Variants in CLVS1 observed in about 807,000 individuals in gnomAD.
CLVS1 encodes clavesin-1.
In CLVS1, 10 loss-of-function variants were observed where a neutral mutation model predicts 33.1. That is an observed-to-expected ratio of 0.30 (90% CI 0.19 to 0.51). CLVS1 has a LOEUF of 0.51. Among genes scored for constraint, CLVS1 ranks in the 20% least tolerant of loss-of-function variants. CLVS1 has a pLI of 0.97. For missense variants in CLVS1, 343 were observed against 433.4 expected (o/e 0.79, Z 1.85); for synonymous variants, 163 against 166.1 (o/e 0.98, Z 0.14).
the CLVS1 span, among the ~76,000 whole-genome samples, chr8:61,046,819 T>C: frequency 6.6e-6 from 1 of 151,108 alleles, no homozygotes; most frequent in South Asian, 2.1e-4. Context: ...AGAATGCTTG[T>C]GATTTTTGTA....
At chr8:61,433,249 A>T (rs1237653917) in intron 3 of CLVS1, among the ~76,000 whole-genome samples, 6 of 152,240 alleles carry the variant, frequency 3.9e-5, no homozygotes, top group African/African-American at 1.4e-4. Flanking sequence ...CCATTGGGCC[A>T]GACCAGTGGT....
chr8:61,178,764 G>T (rs1227800932), intron 2 of CLVS1, among the ~76,000 whole-genome samples: 1 of 152,040 alleles, frequency 6.6e-6, no homozygotes, highest in Non-Finnish European at 1.5e-5. Flanking sequence ...ATAAGCCAAA[G>T]AAATAAAATC....
At chr8:61,388,266 C>T (rs1475350426) in intron 3 of CLVS1, among the ~76,000 whole-genome samples, 1 of 150,604 alleles carries the variant, frequency 6.6e-6, no homozygotes, top group Non-Finnish European at 1.5e-5. Flanking sequence ...ACAGTTTATA[C>T]AAAAAGAAGT....
intron 2 of CLVS1, among the ~76,000 whole-genome samples, chr8:61,337,736 C>T (rs994534720): frequency 3.3e-5 from 5 of 152,168 alleles, no homozygotes; most frequent in African/African-American, 1.2e-4. Flanking sequence ...AACTGAACAC[C>T]AGAATCATGA....
At chr8:61,147,628 A>G (rs1806446085) in intron 2 of CLVS1, among the ~76,000 whole-genome samples, 1 of 152,216 alleles carries the variant, frequency 6.6e-6, no homozygotes, top group African/African-American at 2.4e-5. Context: ...GGTATGAAAA[A>G]CAAAAGTAAC....
At chr8:61,273,157 A>G (rs1232337188) in intron 2 of CLVS1, among the ~76,000 whole-genome samples, 2 of 149,014 alleles carry the variant, frequency 1.3e-5, no homozygotes, top group Non-Finnish European at 1.5e-5. Flanking sequence ...GGTGATGTAC[A>G]GATGGGTTTT....
intron 3 of CLVS1, among the ~76,000 whole-genome samples, chr8:61,426,817 T>A (rs1245188708): frequency 2.0e-5 from 3 of 152,188 alleles, no homozygotes; most frequent in African/African-American, 7.2e-5. Flanking sequence ...GCTGTCTTTT[T>A]TCCATAGGCT....
chr8:61,068,846 T>G (rs1011788316), intron 1 of CLVS1, among the ~76,000 whole-genome samples: 2 of 152,190 alleles, frequency 1.3e-5, no homozygotes, highest in African/African-American at 4.8e-5. Context: ...TTCCTTCTCT[T>G]CCTACCGATG....
At chr8:61,202,857 AGATGAT>A in intron 2 of CLVS1, 5 of 977,518 alleles carry the variant, frequency 5.1e-6, no homozygotes, top group Non-Finnish European at 8.0e-6. Context: ...ATGATGAAGA[AGATGAT>A]GATGATGAAG....
intron 2 of CLVS1, among the ~76,000 whole-genome samples, chr8:61,308,453 T>C (rs1810709856): frequency 1.3e-5 from 2 of 152,114 alleles, no homozygotes; most frequent in Non-Finnish European, 2.9e-5. Context: ...AGAATGAGCA[T>C]GTGCATGCGC....
intron 5 of CLVS1, among the ~76,000 whole-genome samples, chr8:61,469,818 T>C (rs755688972): frequency 1.3e-5 from 2 of 152,224 alleles, no homozygotes; most frequent in Non-Finnish European, 2.9e-5. Flanking sequence ...AACAACACTA[T>C]ATAATGCATC....
intron 3 of CLVS1, among the ~76,000 whole-genome samples, chr8:61,397,239 A>G (rs914720255): frequency 2.6e-5 from 4 of 152,008 alleles, no homozygotes; most frequent in Non-Finnish European, 5.9e-5. Flanking sequence ...AATTACAGCC[A>G]TATTTGTTGA....
At chr8:61,141,954 T>C (rs1806315197) in intron 2 of CLVS1, among the ~76,000 whole-genome samples, 1 of 152,222 alleles carries the variant, frequency 6.6e-6, no homozygotes, top group African/African-American at 2.4e-5. Flanking sequence ...CCATCTTCCC[T>C]TAATCTTTTC....
At chr8:61,070,439 G>C (rs1804772232) in intron 1 of CLVS1, among the ~76,000 whole-genome samples, 1 of 152,182 alleles carries the variant, frequency 6.6e-6, no homozygotes, top group African/African-American at 2.4e-5. Flanking sequence ...CCAGCATTTT[G>C]ATGACATTTT....
At chr8:61,333,716 T>C (rs1166289689) in intron 2 of CLVS1, among the ~76,000 whole-genome samples, 2 of 152,178 alleles carry the variant, frequency 1.3e-5, no homozygotes, top group African/African-American at 4.8e-5. Context: ...ATTTTTAACT[T>C]TTATTTTAAG....
At chr8:61,369,788 T>C (rs555590225) in intron 2 of CLVS1, among the ~76,000 whole-genome samples, 2 of 152,190 alleles carry the variant, frequency 1.3e-5, no homozygotes, top group Admixed American at 1.3e-4. Flanking sequence ...CCCAATCACC[T>C]TTCTCAAGTA....
intron 3 of CLVS1, among the ~76,000 whole-genome samples, chr8:61,445,425 T>A (rs1816718786): frequency 6.6e-6 from 1 of 152,076 alleles, no homozygotes; most frequent in African/African-American, 2.4e-5. Flanking sequence ...GGAGATCTGA[T>A]TCTTATAAAG....
chr8:60,970,965 C>T, the CLVS1 span, among the ~76,000 whole-genome samples: 1 of 151,326 alleles, frequency 6.6e-6, no homozygotes, highest in Non-Finnish European at 1.5e-5. Context: ...AAAACGTTTC[C>T]TCAACTTATC....
the CLVS1 span, among the ~76,000 whole-genome samples, chr8:61,003,751 C>T: frequency 1.3e-5 from 2 of 152,148 alleles, no homozygotes; most frequent in Non-Finnish European, 2.9e-5. Context: ...TCTATCCATT[C>T]GTTCATTCAC....
Sources: gnomAD v4.1 joint callset for allele counts (sites outside exome capture counted in the v4.1 genomes callset) on GRCh38, gnomAD v4.1.1 for gene constraint, MANE v1.5 for transcripts, NCBI Gene and HGNC (gene_info 2026-07-23, HGNC 2026-07-21) for gene names.